NCALD: variants seen among roughly 807,000 people sequenced by gnomAD.
NCALD encodes the protein neurocalcin delta, also known as neurocalcin-delta.
Under a neutral mutation model 18.6 loss-of-function variants are expected in NCALD, and 10 were observed. The observed-to-expected ratio is 0.54, with a 90% confidence interval of 0.33 to 0.91. The LOEUF is 0.91. Among genes scored for constraint, NCALD ranks in the 40% least tolerant of loss-of-function variants. NCALD has a pLI of 0.03. For missense variants in NCALD, 184 were observed against 247.6 expected, an observed-to-expected ratio of 0.74 and a Z score of 1.72; for synonymous variants, 88 against 87.4, an observed-to-expected ratio of 1.01 and a Z score of -0.04.
intron 1 of NCALD, among the ~76,000 whole-genome samples, chr8:102,104,074 G>A (rs998718121): frequency 2.0e-4 from 31 of 152,148 alleles, no homozygotes; most frequent in Non-Finnish European, 2.2e-4. Context: ...ATCTGAGGTC[G>A]CGTAGCCTCA....
intron 4 of NCALD, among the ~76,000 whole-genome samples, chr8:101,798,650 A>G (rs1310569166): frequency 6.6e-6 from 1 of 152,266 alleles, no homozygotes; most frequent in South Asian, 2.1e-4. Context: ...AGATATATAT[A>G]AAATTATTCT....
intron 1 of NCALD, among the ~76,000 whole-genome samples, chr8:102,021,200 G>A (rs1267167259): frequency 1.3e-5 from 2 of 152,132 alleles, no homozygotes; most frequent in Non-Finnish European, 2.9e-5. Context: ...GACCAGGACT[G>A]GTCTCACAGA....
intron 1 of NCALD, among the ~76,000 whole-genome samples, chr8:101,787,479 T>C (rs1812273432): frequency 6.6e-6 from 1 of 152,188 alleles, no homozygotes; most frequent in African/African-American, 2.4e-5. Context: ...TGGGTGTTGA[T>C]GTCATAGAAA....
chr8:101,920,959 A>G (rs1818143874), intron 2 of NCALD, among the ~76,000 whole-genome samples: 1 of 152,226 alleles, frequency 6.6e-6, no homozygotes, highest in Non-Finnish European at 1.5e-5. Flanking sequence ...GTCAATAAAT[A>G]GGAATATTAT....
intron 4 of NCALD, among the ~76,000 whole-genome samples, chr8:101,820,316 A>G (rs1175732742): frequency 6.6e-6 from 1 of 152,262 alleles, no homozygotes; most frequent in Non-Finnish European, 1.5e-5. Context: ...AGCATTGAAC[A>G]GTACCTGGCA....
At chr8:101,983,536 G>C (rs1820698221) in intron 2 of NCALD, among the ~76,000 whole-genome samples, 1 of 152,168 alleles carries the variant, frequency 6.6e-6, no homozygotes, top group Admixed American at 6.5e-5. Context: ...ATGCAACTTA[G>C]GCCTCCATGA....
At chr8:101,941,579 TAACA>T (rs1818958422) in intron 2 of NCALD, among the ~76,000 whole-genome samples, 1 of 152,244 alleles carries the variant, frequency 6.6e-6, no homozygotes, top group Non-Finnish European at 1.5e-5. Context: ...TTCTCATGCA[TAACA>T]AACTTATGAA....
At chr8:102,090,680 GAGTAA>G (rs1824896538) in intron 1 of NCALD, among the ~76,000 whole-genome samples, 1 of 152,110 alleles carries the variant, frequency 6.6e-6, no homozygotes, top group African/African-American at 2.4e-5. Context: ...TTTAACAACT[GAGTAA>G]AGTATACTTC....
intron 2 of NCALD, chr8:101,693,619 C>T (rs1814850796): frequency 1.3e-5 from 2 of 152,158 alleles, no homozygotes; most frequent in African/African-American, 4.8e-5. Flanking sequence ...TCTGAAGACG[C>T]TGCTTTGAAA....
At chr8:101,748,861 G>A (rs2130757206) in intron 1 of NCALD, among the ~76,000 whole-genome samples, 1 of 152,338 alleles carries the variant, frequency 6.6e-6, no homozygotes, top group East Asian at 1.9e-4. Flanking sequence ...ATAAAGAGAA[G>A]CAGATCTGGA....
chr8:101,924,851 C>G (rs962556417), intron 2 of NCALD, among the ~76,000 whole-genome samples: 3 of 152,128 alleles, frequency 2.0e-5, no homozygotes, highest in Admixed American at 6.5e-5. Flanking sequence ...TCATCTAGTT[C>G]TTTCCATTTT....
intron 1 of NCALD, among the ~76,000 whole-genome samples, chr8:102,092,263 G>C (rs568536154): frequency 2.4e-4 from 37 of 152,360 alleles, no homozygotes; most frequent in African/African-American, 7.9e-4. Flanking sequence ...AGGGAGGCAT[G>C]AATGATCCAC....
rs1014953411 is a variant in NCALD at position 101,877,539 on chromosome 8, A to G, written c.-20+9602T>C. 2.6e-5 allele frequency among the ~76,000 whole-genome samples: 4 copies of G among 152,258 alleles called. No homozygotes were observed. In the East Asian group the frequency reaches 7.7e-4, roughly 29 times the overall value. Reference sequence around the variant, plus strand: ...TACTACCTAAGCATTAGTCAGAGATAGTCTGCAAGAAAATAACCTTTTCAA... The same window carrying G: ...TACTACCTAAGCATTAGTCAGAGATGGTCTGCAAGAAAATAACCTTTTCAA... On this transcript the variant is annotated intron_variant, in intron 4 of 6. Coordinates refer to the NCALD transcript ENST00000311028.
intron 1 of NCALD, among the ~76,000 whole-genome samples, chr8:102,105,006 G>C (rs1338959037): frequency 6.6e-6 from 1 of 152,170 alleles, no homozygotes; most frequent in East Asian, 1.9e-4. Context: ...ATGGTATCTC[G>C]ATATAATGTA....
chr8:101,837,488 C>G (rs1309210376), intron 4 of NCALD, among the ~76,000 whole-genome samples: 1 of 152,176 alleles, frequency 6.6e-6, no homozygotes, highest in Non-Finnish European at 1.5e-5. Flanking sequence ...AGAAAAGCTC[C>G]AAGTAGAAAC....
chr8:101,689,336 G>T lies in NCALD; in HGVS notation c.555C>A (p.Cys185Ter). Residue 185 changes from cysteine (C) to a stop codon, truncating the protein, a stop_gained, in exon 4 of 4, where the codon TGC (cysteine) becomes TGA (stop). Coordinates refer to ENST00000220931, the MANE Select transcript of NCALD (RefSeq NM_032041.3). LOFTEE classifies it high-confidence loss of function. This position sits in a 1 kb window ranked among gnomAD's most constrained non-coding sequence, Gnocchi z 4.4. ...SDPSIVRLLQ[C>*]DPSSAGQF ...AGAACTGGCCGGCACTGCTCGGGTC[G>T]CACTGCAGGAGGCGCACAATGGACG... 1 of 1,613,698 alleles carries T rather than the reference G, an allele frequency of 6.2e-7. No homozygotes were observed. The highest frequency in any genetic ancestry group is 8.5e-7 in the Non-Finnish European group (1 of 1,179,868).
intron 1 of NCALD, among the ~76,000 whole-genome samples, chr8:101,766,901 T>C (rs1586446343): frequency 6.6e-6 from 1 of 152,248 alleles, no homozygotes; most frequent in East Asian, 1.9e-4. Context: ...TTTAAAACTA[T>C]ATATGTATAC....
intron 2 of NCALD, among the ~76,000 whole-genome samples, chr8:101,917,040 T>C (rs1007702277): frequency 6.6e-6 from 1 of 152,124 alleles, no homozygotes; most frequent in Non-Finnish European, 1.5e-5. Flanking sequence ...AAGTATAGAA[T>C]ATACCTTCTT....
intron 1 of NCALD, among the ~76,000 whole-genome samples, chr8:101,747,983 G>A (rs1453388181): frequency 6.6e-6 from 1 of 152,286 alleles, no homozygotes; most frequent in Non-Finnish European, 1.5e-5. Context: ...CTCCCAAAGT[G>A]CTGGGATTAC....
Sources: allele counts gnomAD v4.1 joint callset (sites outside exome capture counted in the v4.1 genomes callset), GRCh38; gene constraint gnomAD v4.1.1; non-coding constraint Gnocchi (gnomAD v3.1); transcripts MANE v1.5; gene names NCBI Gene and HGNC (gene_info 2026-07-23, HGNC 2026-07-21).